PEAR1: variants seen among roughly 807,000 people sequenced by gnomAD.
PEAR1 encodes platelet endothelial aggregation receptor 1, also known as multiple EGF-like domains protein 12.
PEAR1 carries 113 observed loss-of-function variants against 131.2 expected under a neutral mutation model. The ratio of observed to expected loss-of-function variants is 0.86; its 90% CI spans 0.74 to 1.01. PEAR1 has a LOEUF of 1.01. Among genes scored for constraint, PEAR1 ranks in the 50% least tolerant of loss-of-function variants. The pLI, the probability that PEAR1 is intolerant of heterozygous loss-of-function variation, is 0.00. For missense variants in PEAR1, 1,408 were observed against 1,391.1 expected, an observed-to-expected ratio of 1.01 and a Z score of -0.19; for synonymous variants, 565 against 523.3, an observed-to-expected ratio of 1.08 and a Z score of -1.09.
chr1:156,907,696 C>T lies in PEAR1; in HGVS notation c.731C>T (p.Pro244Leu). The T allele has an allele frequency of 1.2e-6, 2 of 1,613,630 alleles. No homozygotes were observed. The highest frequency in any genetic ancestry group is 1.7e-6 in the Non-Finnish European group (2 of 1,179,726). ...SCQNGGVFQT[P>L]QGSCSCPPGW... Reference sequence around the variant, plus strand: ...CAAAATGGAGGTGTCTTCCAAACCCCACAGGGCTCCTGCAGCTGCCCCCCT... The same window carrying T: ...CAAAATGGAGGTGTCTTCCAAACCCTACAGGGCTCCTGCAGCTGCCCCCCT... Residue 244 changes from proline to leucine, a missense_variant, in exon 7 of 23, where the codon CCA (proline) becomes CTA (leucine). Pro to Leu is a moderately conservative substitution (Grantham distance 98, BLOSUM62 -3). Coordinates refer to ENST00000292357, the MANE Select transcript of PEAR1 (RefSeq NM_001080471.3).
In PEAR1 at chr1:156,908,595, G is replaced by A. The variant is rs1049257067; in HGVS notation, c.1116-60G>A. ...ATCCCACTGACCACGCGGAGGGGTC[G>A]GGAAGCTGCCCTGCCCCTGCCCAGC... On this transcript the variant is annotated intron_variant, in intron 9 of 22. Transcript: ENST00000292357. The surrounding 1 kb of genome is among the most constrained non-coding windows in gnomAD (Gnocchi z 4.2). 7.0e-7 allele frequency: 1 copy of A among 1,437,940 alleles called. No individual in the cohort carries two copies. The highest frequency in any genetic ancestry group is 9.2e-7 in the Non-Finnish European group (1 of 1,086,536). The allele number at this position is 1,437,940 out of a possible 1,614,324, so 89.1% of individuals were successfully genotyped here.
rs772343878 is a variant in PEAR1, at chr1:156,908,776, G to A, written c.1237G>A (p.Gly413Ser). The change falls in exon 10 of 23, where the codon GGT becomes AGT. Residue 413 changes from glycine to serine, a missense_variant. By Grantham distance (56) the Gly-to-Ser change is moderately conservative (BLOSUM62 0). Coordinates refer to ENST00000292357, the MANE Select transcript of PEAR1 (RefSeq NM_001080471.3). This position sits in a 1 kb window ranked among gnomAD's most constrained non-coding sequence, Gnocchi z 4.2. ...GCQEHCLCLH[G>S]GVCQATSGLC... Reference sequence around the variant, plus strand: ...CCAGGAGCACTGTCTCTGCCTGCACGGTGGCGTCTGCCAGGCTACCAGCGG... The same window carrying A: ...CCAGGAGCACTGTCTCTGCCTGCACAGTGGCGTCTGCCAGGCTACCAGCGG... 1.9e-6 allele frequency: 3 copies of A among 1,601,358 alleles called. No individual in the cohort carries two copies. In the South Asian group the frequency reaches 3.3e-5, roughly 18 times the overall value.
chr1:156,903,972 C>G lies in PEAR1; in HGVS notation c.46C>G (p.Arg16Gly). 6.2e-7 allele frequency: 1 copy of G among 1,614,030 alleles called. No homozygotes were observed. Among genetic ancestry groups the G allele is most frequent in the South Asian group, 1.1e-5 (1 of 91,084 alleles). The change falls in exon 2 of 23, where the codon CGG becomes GGG. Residue 16 changes from arginine to glycine, a missense_variant. Transcript: ENST00000292357. Reference protein sequence around the residue: ...CPLLLLAVGLRLAGTLNPSDP... With the variant: ...CPLLLLAVGLGLAGTLNPSDP... The stretch of plus-strand genomic sequence containing the variant: ...CCTCCTTCTCCTGGCTGTGGGCCTG[C>G]GGCTGGCTGGAACTCTCAACCCCAG...
At chr1:156,907,382 G>A (rs1450169077) in intron 6 of PEAR1, among the ~76,000 whole-genome samples, 1 of 152,090 alleles carries the variant, frequency 6.6e-6, no homozygotes, top group Non-Finnish European at 1.5e-5. Context: ...CCGAGAGGCA[G>A]ACATGCCACC....
intron 1 of PEAR1, among the ~76,000 whole-genome samples, chr1:156,901,722 T>A (rs924923174): frequency 2.0e-5 from 3 of 151,446 alleles, no homozygotes; most frequent in African/African-American, 7.3e-5. Context: ...GACCGAGAGA[T>A]GAGGCAGAGG....
chr1:156,908,485 C>A lies in PEAR1; in HGVS notation c.1115+145C>A. 8.1e-7 allele frequency: 1 copy of A among 1,230,644 alleles called. No individual in the cohort carries two copies. Among genetic ancestry groups the A allele is most frequent in the Non-Finnish European group, 1.1e-6 (1 of 912,728 alleles). 76.2% of individuals were successfully genotyped at this position (1,230,644 alleles called of 1,614,324 possible). The stretch of plus-strand genomic sequence containing the variant: ...GAGGGACCTCAGGGGCCGGGAGGGG[C>A]CTGGGGTACCGCTACTTGCCCCAAC... On this transcript the variant is annotated intron_variant, in intron 9 of 22. Coordinates refer to ENST00000292357, the MANE Select transcript of PEAR1 (RefSeq NM_001080471.3). This position sits in a 1 kb window ranked among gnomAD's most constrained non-coding sequence, Gnocchi z 4.2.
At chr1:156,904,416 G>A (rs1649999752) in intron 2 of PEAR1, among the ~76,000 whole-genome samples, 1 of 152,120 alleles carries the variant, frequency 6.6e-6, no homozygotes, top group Admixed American at 6.5e-5. Flanking sequence ...AAATACTTCA[G>A]CCCATCGCCG....
chr1:156,910,699 C>T lies in PEAR1; in HGVS notation c.1907C>T (p.Thr636Ile). ...TCCTTCTGCCACCCCTCGAACGGGA[C>T]CTGCTACTGCCTGGCTGGCTGGACA... ...NHSFCHPSNG[T>I]CYCLAGWTGP... is the part of the protein sequence containing the mutation. Residue 636 changes from threonine (T) to isoleucine (I), a missense_variant, in exon 15 of 23, where the codon ACC (threonine) becomes ATC (isoleucine). Coordinates refer to ENST00000292357, the MANE Select transcript of PEAR1 (RefSeq NM_001080471.3). 1 of 1,613,954 alleles carries T rather than the reference C, an allele frequency of 6.2e-7. No individual in the cohort carries two copies. Among genetic ancestry groups the T allele is most frequent in the Non-Finnish European group, 8.5e-7 (1 of 1,179,968 alleles).
At chr1:156,906,924 A>G in intron 6 of PEAR1, 44 bp downstream of exon 6, 1 of 1,584,438 alleles carries the variant, frequency 6.3e-7, no homozygotes, top group South Asian at 1.1e-5. Context: ...TCGCAGACAC[A>G]AGGCCACACA....
rs1172357799 is a variant in PEAR1 at position 156,908,664 on chromosome 1, G to A, written c.1125G>A (p.Pro375=). 2.0e-6 allele frequency: 3 copies of A among 1,526,774 alleles called. No individual in the cohort carries two copies. The highest frequency in any genetic ancestry group is 2.6e-6 in the Non-Finnish European group (3 of 1,141,592). The allele number at this position is 1,526,774 out of a possible 1,614,324, so 94.6% of individuals were successfully genotyped here. ...CCGCCTCTGCCCCCAGCTGCCACCC[G>A]ATGAACGGGGAGTGCTCCTGCCTGC... ...CDREHSLSCH[P]MNGECSCLPG... is the part of the protein sequence containing the mutation. The change falls in exon 10 of 23, where the codon CCG becomes CCA. Residue 375 remains proline, a synonymous_variant. Coordinates refer to ENST00000292357, the MANE Select transcript of PEAR1 (RefSeq NM_001080471.3). This position sits in a 1 kb window ranked among gnomAD's most constrained non-coding sequence, Gnocchi z 4.2.
chr1:156,905,027 T>G (rs1294875105), intron 3 of PEAR1, 175 bp downstream of exon 3: 3 of 1,535,062 alleles, frequency 2.0e-6, no homozygotes, highest in Non-Finnish European at 2.6e-6. Context: ...TATATGTGAA[T>G]GCGTGTATGT....
chr1:156,900,873 T>C (rs1322244035), intron 1 of PEAR1, among the ~76,000 whole-genome samples: 1 of 152,048 alleles, frequency 6.6e-6, no homozygotes, highest in East Asian at 1.9e-4. Context: ...GAGGGGTATA[T>C]GCAATCTCTT....
chr1:156,907,644 T>G lies in PEAR1; in HGVS notation c.679T>G (p.Phe227Val). 1 of 1,613,956 alleles carries G rather than the reference T, an allele frequency of 6.2e-7. No homozygotes were observed. The highest frequency in any genetic ancestry group is 1.6e-4 in the Middle Eastern group (1 of 6,062). ...DVSCSQGTSG[F>V]FCPSTHSCQN... ...GTCCTGTTCCCAGGGCACTTCTGGC[T>G]TCTTCTGCCCCAGCACCCATTCTTG... Residue 227 changes from phenylalanine to valine, a missense_variant, in exon 7 of 23, where the codon TTC becomes GTC. By Grantham distance (50) the Phe-to-Val change is conservative (BLOSUM62 -1). Coordinates refer to ENST00000292357, the MANE Select transcript of PEAR1 (RefSeq NM_001080471.3).
At chr1:156,911,233 C>A (rs1651158918) in intron 15 of PEAR1, among the ~76,000 whole-genome samples, 2 of 105,542 alleles carry the variant, frequency 1.9e-5, no homozygotes, top group Non-Finnish European at 2.0e-5. Context: ...TTCTTTCTTT[C>A]TTTTCTTTCT....
chr1:156,914,710 C>A lies in PEAR1; in HGVS notation c.3026C>A (p.Ser1009Ter). 6.2e-7 allele frequency: 1 copy of A among 1,614,000 alleles called. No individual in the cohort carries two copies. The highest frequency in any genetic ancestry group is 8.5e-7 in the Non-Finnish European group (1 of 1,179,888). ...PPGLPPGHYDSPKNSHIPGHY... is the reference protein window; with the variant it reads ...PPGLPPGHYD Reference sequence around the variant, plus strand: ...GGCCTACCCCCCGGCCACTATGACTCACCCAAGAACAGCCACATCCCTGGA... The same window carrying A: ...GGCCTACCCCCCGGCCACTATGACTAACCCAAGAACAGCCACATCCCTGGA... The change falls in exon 23 of 23, where the codon TCA (serine) becomes TAA (stop). Residue 1009 changes from serine to a stop codon, truncating the protein, a stop_gained. Transcript: ENST00000292357. LOFTEE classifies it high-confidence loss of function.
At position 156,908,676 on chromosome 1, in the gene PEAR1, G is replaced by A; in HGVS notation, c.1137G>A (p.Glu379=). ...HSLSCHPMNG[E]CSCLPGWAGL... is the part of the protein sequence containing the mutation. ...CCAGCTGCCACCCGATGAACGGGGA[G>A]TGCTCCTGCCTGCCGGGCTGGGCGG... Residue 379 remains glutamate, a synonymous_variant, in exon 10 of 23, where the codon GAG becomes GAA. Transcript: ENST00000292357. This position sits in a 1 kb window ranked among gnomAD's most constrained non-coding sequence, Gnocchi z 4.2. 1 of 1,532,094 alleles carries A rather than the reference G, an allele frequency of 6.5e-7. No individual in the cohort carries two copies. 94.9% of individuals were successfully genotyped at this position (1,532,094 alleles called of 1,614,324 possible).
At chr1:156,909,659 T>A in intron 11 of PEAR1, 92 bp from the exon 12 acceptor site, 40 of 1,295,526 alleles carry the variant, frequency 3.1e-5, no homozygotes, top group Non-Finnish European at 3.8e-5. Context: ...CCCCAGCTCA[T>A]AGCATAGAAT....
rs1318545018 is a variant in PEAR1 at position 156,914,966 on chromosome 1, A to G, written c.*168A>G. On this transcript the variant is annotated 3_prime_UTR_variant, in exon 23 of 23. Coordinates refer to ENST00000292357, the MANE Select transcript of PEAR1 (RefSeq NM_001080471.3). ...GGGAGCCTTGTTCCTGGGTTCTACCATGGGAGACGCTGATCAGCAGGATGC... is the reference window on the plus strand; with the variant it reads ...GGGAGCCTTGTTCCTGGGTTCTACCGTGGGAGACGCTGATCAGCAGGATGC... 8.2e-6 allele frequency: 6 copies of G among 734,844 alleles called. No homozygotes were observed. Among genetic ancestry groups the G allele is most frequent in the Middle Eastern group, 7.9e-4 (2 of 2,546 alleles). 45.5% of individuals were successfully genotyped at this position (734,844 alleles called of 1,614,324 possible).
Position 156,914,638 on chromosome 1 carries a change from T to C in PEAR1, c.2963-9T>C. On this transcript the variant is annotated splice_polypyrimidine_tract_variant and intron_variant, in intron 22 of 22. Transcript: ENST00000292357. ...GCCACTCCCTCTTATCTTGTCCTCA[T>C]GTTTCCAGACCGAGACTCTGTGGGC... 5.0e-6 allele frequency: 8 copies of C among 1,608,634 alleles called. No homozygotes were observed. Among genetic ancestry groups the C allele is most frequent in the Non-Finnish European group, 6.8e-6 (8 of 1,177,190 alleles).
Sources: gnomAD v4.1 joint callset for allele counts (sites outside exome capture counted in the v4.1 genomes callset) on GRCh38, gnomAD v4.1.1 for gene constraint, Gnocchi (gnomAD v3.1) non-coding constraint, MANE v1.5 for transcripts, NCBI Gene and HGNC (gene_info 2026-07-23, HGNC 2026-07-21) for gene names.